The following RSRC1 variants were observed in gnomAD, a reference collection of about 807,000 sequenced individuals.
The protein encoded by RSRC1 is arginine and serine rich coiled-coil 1.
Under a neutral mutation model 49.1 loss-of-function variants are expected in RSRC1, and 39 were observed. That is an observed-to-expected ratio of 0.79 (90% CI 0.61 to 1.04). The LOEUF (loss-of-function observed/expected upper bound fraction) is 1.04, where lower values mean the gene tolerates loss of function less well. Ranked by LOEUF, RSRC1 falls within the 50% of genes least tolerant of loss-of-function variation. The probability of loss-of-function intolerance (pLI) is 0.00; values close to 1 mark genes in which losing one functional copy is unlikely to be tolerated. For missense variants in RSRC1, 388 were observed against 402.4 expected, an observed-to-expected ratio of 0.96 and a Z score of 0.31; for synonymous variants, 143 against 130.8, an observed-to-expected ratio of 1.09 and a Z score of -0.63.
intron 4 of RSRC1, among the ~76,000 whole-genome samples, chr3:158,213,516 C>G (rs534612583): frequency 1.3e-5 from 2 of 151,914 alleles, no homozygotes; most frequent in South Asian, 4.2e-4. Context: ...ACCCAAAGCA[C>G]TTTTTAATGC....
intron 5 of RSRC1, 30 bp from the exon 6 acceptor site, chr3:158,354,827 T>A: frequency 6.6e-7 from 1 of 1,517,488 alleles, no homozygotes; most frequent in Non-Finnish European, 8.9e-7. Context: ...AAGTCTTGTA[T>A]GGTTGAATTT....
intron 6 of RSRC1, among the ~76,000 whole-genome samples, chr3:158,389,936 CATTGAGAACT>C (rs1405320656): frequency 6.6e-6 from 1 of 152,128 alleles, no homozygotes; most frequent in African/African-American, 2.4e-5. Flanking sequence ...TAACTGCACC[CATTGAGAACT>C]ATTGTTTTAG....
intron 4 of RSRC1, among the ~76,000 whole-genome samples, chr3:158,252,389 T>A (rs1724272785): frequency 6.6e-6 from 1 of 152,016 alleles, no homozygotes; most frequent in African/African-American, 2.4e-5. Context: ...ATGGTCTCGA[T>A]CTCCTGACCT....
chr3:158,281,162 T>C (rs766879554), intron 4 of RSRC1, among the ~76,000 whole-genome samples: 46 of 152,126 alleles, frequency 3.0e-4, no homozygotes, highest in Non-Finnish European at 5.7e-4. Context: ...ACTGATAGAT[T>C]GTATTTGTAG....
intron 7 of RSRC1, among the ~76,000 whole-genome samples, chr3:158,479,632 A>G (rs1738529021): frequency 6.6e-6 from 1 of 152,028 alleles, no homozygotes. Flanking sequence ...ATGCCTACAG[A>G]AATACTGACC....
intron 5 of RSRC1, among the ~76,000 whole-genome samples, chr3:158,308,454 G>T (rs1727957632): frequency 6.6e-6 from 1 of 151,884 alleles, no homozygotes; most frequent in African/African-American, 2.4e-5. Context: ...GCTACATTTT[G>T]ATCTCTCTAC....
chr3:158,385,403 A>C (rs993296233), intron 6 of RSRC1, among the ~76,000 whole-genome samples: 1 of 152,208 alleles, frequency 6.6e-6, no homozygotes, highest in Admixed American at 6.5e-5. Flanking sequence ...TAAAAAGTGC[A>C]CTGGAAACAC....
intron 7 of RSRC1, among the ~76,000 whole-genome samples, chr3:158,522,764 T>C (rs1711772416): frequency 6.6e-6 from 1 of 152,072 alleles, no homozygotes; most frequent in South Asian, 2.1e-4. Context: ...TTTTCCCTCA[T>C]GGTTCAGACT....
At chr3:158,203,393 A>G (rs1007463293) in intron 4 of RSRC1, 148 bp downstream of exon 4, 1 of 705,184 alleles carries the variant, frequency 1.4e-6, no homozygotes, top group Non-Finnish European at 2.1e-6. Flanking sequence ...ACAGTAGAGA[A>G]GGAAGAAAGG....
rs1712905588 is a variant in RSRC1 at position 158,539,396 on chromosome 3, T to A, written c.759+2198T>A. Among the ~76,000 whole-genome samples the A allele has an allele frequency of 6.6e-6, 1 of 152,110 alleles. No homozygotes were observed. Among genetic ancestry groups the A allele is most frequent in the Non-Finnish European group, 1.5e-5 (1 of 67,980 alleles). On this transcript the variant is annotated intron_variant, in intron 8 of 9. Coordinates refer to ENST00000611884, the MANE Select transcript of RSRC1 (RefSeq NM_001271838.2). This position sits in a 1 kb window ranked among gnomAD's most constrained non-coding sequence, Gnocchi z 4.1. ...ACTCTCTGAAATCGTATTTCTTTTGTCTGAGTAAATAGAGAATCTGATAGT... is the reference window on the plus strand; with the variant it reads ...ACTCTCTGAAATCGTATTTCTTTTGACTGAGTAAATAGAGAATCTGATAGT...
intron 4 of RSRC1, among the ~76,000 whole-genome samples, chr3:158,258,722 G>A (rs1466181148): frequency 1.3e-5 from 2 of 151,982 alleles, no homozygotes; most frequent in African/African-American, 4.8e-5. Context: ...TTGTAGGTGT[G>A]CTTCATGTTT....
intron 1 of RSRC1, among the ~76,000 whole-genome samples, chr3:158,115,762 T>C (rs2108152580): frequency 6.6e-6 from 1 of 152,306 alleles, no homozygotes; most frequent in Non-Finnish European, 1.5e-5. Flanking sequence ...TGAGATAAAT[T>C]GTTTTGATTG....
At chr3:158,201,107 A>G (rs1217598760) in intron 3 of RSRC1, among the ~76,000 whole-genome samples, 1 of 151,852 alleles carries the variant, frequency 6.6e-6, no homozygotes, top group Non-Finnish European at 1.5e-5. Context: ...TTTTTGAGGG[A>G]TGTTTTTGCT....
chr3:158,299,750 T>C (rs1202782837), intron 5 of RSRC1, among the ~76,000 whole-genome samples: 1 of 152,236 alleles, frequency 6.6e-6, no homozygotes, highest in Non-Finnish European at 1.5e-5. Flanking sequence ...TTAAATTTCG[T>C]ATGTTTTATA....
chr3:158,254,576 C>T (rs575381395), intron 4 of RSRC1, among the ~76,000 whole-genome samples: 3 of 152,126 alleles, frequency 2.0e-5, no homozygotes, highest in East Asian at 1.9e-4. Flanking sequence ...GGACTACAGG[C>T]GGCCGCCAGC....
chr3:158,531,247 G>A (rs1158559697), intron 7 of RSRC1, among the ~76,000 whole-genome samples: 1 of 151,766 alleles, frequency 6.6e-6, no homozygotes, highest in African/African-American at 2.4e-5. Context: ...TTACTCACAG[G>A]TGGCAAGGTG....
At chr3:158,234,092 T>C (rs1723110095) in intron 4 of RSRC1, among the ~76,000 whole-genome samples, 2 of 152,160 alleles carry the variant, frequency 1.3e-5, no homozygotes, top group Non-Finnish European at 2.9e-5. Flanking sequence ...TGAGACACCT[T>C]ACTGTAGCAA....
At chr3:158,152,154 G>C (rs1377980545) in intron 3 of RSRC1, among the ~76,000 whole-genome samples, 1 of 151,900 alleles carries the variant, frequency 6.6e-6, no homozygotes, top group Non-Finnish European at 1.5e-5. Context: ...TGGTTTCTCT[G>C]GACTCTGTTT....
At chr3:158,238,049 C>T (rs1487115686) in intron 4 of RSRC1, among the ~76,000 whole-genome samples, 1 of 152,142 alleles carries the variant, frequency 6.6e-6, no homozygotes, top group East Asian at 1.9e-4. Context: ...GTGCAAAAAT[C>T]ACAAGCATTC....
Sources: gnomAD v4.1 joint callset for allele counts (sites outside exome capture counted in the v4.1 genomes callset) on GRCh38, gnomAD v4.1.1 for gene constraint, Gnocchi (gnomAD v3.1) non-coding constraint, MANE v1.5 for transcripts, NCBI Gene and HGNC (gene_info 2026-07-23, HGNC 2026-07-21) for gene names.